The following GRM3 variants were observed in gnomAD, a reference collection of about 807,000 sequenced individuals.
GRM3 encodes metabotropic glutamate receptor 3.
In GRM3, 26 loss-of-function variants were observed where a neutral mutation model predicts 70.5. The ratio of observed to expected loss-of-function variants is 0.37; its 90% CI spans 0.27 to 0.51. GRM3 has a LOEUF of 0.51. Ranked by LOEUF, GRM3 falls within the 20% of genes least tolerant of loss-of-function variation. GRM3 has a pLI of 0.93. For missense variants in GRM3, 859 were observed against 1,123.8 expected, an observed-to-expected ratio of 0.76 and a Z score of 3.37; for synonymous variants, 443 against 434.9, an observed-to-expected ratio of 1.02 and a Z score of -0.23.
chr7:86,827,242 A>G (rs1220685197), intron 3 of GRM3, among the ~76,000 whole-genome samples: 1 of 152,238 alleles, frequency 6.6e-6, no homozygotes, highest in Admixed American at 6.5e-5. Flanking sequence ...TTAGAATTAT[A>G]TATTTGTAAT....
chr7:86,780,499 AC>A (rs552893458), intron 2 of GRM3, among the ~76,000 whole-genome samples: 193 of 152,318 alleles, frequency 1.3e-3, no homozygotes, highest in Non-Finnish European at 1.6e-3. Flanking sequence ...TAAATTCAAA[AC>A]ACCAAGAAAA....
intron 3 of GRM3, among the ~76,000 whole-genome samples, chr7:86,831,439 A>G (rs546402283): frequency 1.4e-4 from 21 of 152,290 alleles, no homozygotes; most frequent in Admixed American, 1.4e-3. Context: ...AGGTAGGAAA[A>G]AAATGTGATA....
chr7:86,777,802 C>A (rs900443374), intron 2 of GRM3, among the ~76,000 whole-genome samples: 6 of 152,154 alleles, frequency 3.9e-5, no homozygotes, highest in Non-Finnish European at 8.8e-5. Context: ...CAACTATATA[C>A]CACCTCCAGT....
At chr7:86,691,495 G>T (rs1046179982) in intron 1 of GRM3, among the ~76,000 whole-genome samples, 1 of 152,288 alleles carries the variant, frequency 6.6e-6, no homozygotes, top group East Asian at 1.9e-4. Context: ...GATAATTAAA[G>T]AAATAGGGCA....
intron 1 of GRM3, among the ~76,000 whole-genome samples, chr7:86,664,929 G>A (rs955138263): frequency 2.0e-5 from 3 of 152,136 alleles, no homozygotes. Flanking sequence ...TACCAGAGAG[G>A]AGATTGCTTT....
At chr7:86,668,848 T>A (rs1372131213) in intron 1 of GRM3, among the ~76,000 whole-genome samples, 3 of 152,110 alleles carry the variant, frequency 2.0e-5, no homozygotes, top group Admixed American at 2.0e-4. Flanking sequence ...TGGGAGGAAG[T>A]ATATCTTCTG....
intron 4 of GRM3, among the ~76,000 whole-genome samples, chr7:86,848,472 G>A (rs1364987080): frequency 6.6e-6 from 1 of 152,082 alleles, no homozygotes. Flanking sequence ...ATGACTAGAG[G>A]GCGTTTTCAT....
intron 4 of GRM3, among the ~76,000 whole-genome samples, chr7:86,845,382 T>C (rs1052332346): frequency 2.0e-5 from 3 of 152,208 alleles, no homozygotes; most frequent in Admixed American, 6.6e-5. Context: ...TTTTTGATGT[T>C]TTAAATATTG....
chr7:86,710,093 A>G (rs1168680399), intron 1 of GRM3: 4 of 152,126 alleles, frequency 2.6e-5, no homozygotes, highest in African/African-American at 9.6e-5. Flanking sequence ...TTGTACCCAC[A>G]GCCACACAAT....
rs111270215 is a variant in GRM3, at chr7:86,800,074, A to G, written c.1324+12958A>G. On this transcript the variant is annotated intron_variant, in intron 3 of 5. Coordinates refer to ENST00000361669, the MANE Select transcript of GRM3 (RefSeq NM_000840.3). ...AATAATGAAATTAAGGCAGAAATCA[A>G]AAAGTTCTTTGAAACCAATGAGAAA... Among the ~76,000 whole-genome samples the G allele has an allele frequency of 4.3e-4, 65 of 152,348 alleles. 1 individual carries two copies. Among genetic ancestry groups the G allele is most frequent in the African/African-American group, 1.5e-3 (61 of 41,570 alleles).
chr7:86,840,547 T>C (rs1442765604), intron 4 of GRM3, among the ~76,000 whole-genome samples: 9 of 152,048 alleles, frequency 5.9e-5, no homozygotes, highest in East Asian at 1.9e-4. Flanking sequence ...GTATTAGTAA[T>C]ATACAGTTCA....
chr7:86,730,083 CA>C (rs984471539), intron 1 of GRM3, among the ~76,000 whole-genome samples: 10 of 151,144 alleles, frequency 6.6e-5, no homozygotes, highest in African/African-American at 2.4e-4. Flanking sequence ...CATTGCACTC[CA>C]GCCTGGGCAA....
In GRM3 at chr7:86,786,806, G is replaced by A; in HGVS notation, c.1014G>A (p.Gln338=). The A allele has an allele frequency of 6.2e-7, 1 of 1,614,214 alleles. No individual in the cohort carries two copies. Among genetic ancestry groups the A allele is most frequent in the Non-Finnish European group, 8.5e-7 (1 of 1,180,026 alleles). Reference sequence around the variant, plus strand: ...TCCGCCAGTTCGACCGCTACTTCCAGAGCCTCAACCCCTACAACAACCACC... The same window carrying A: ...TCCGCCAGTTCGACCGCTACTTCCAAAGCCTCAACCCCTACAACAACCACC... ...QPVRQFDRYF[Q]SLNPYNNHRN... Residue 338 remains glutamine (Q), a synonymous_variant, in exon 3 of 6, where the codon CAG becomes CAA. Coordinates refer to ENST00000361669, the MANE Select transcript of GRM3 (RefSeq NM_000840.3). The surrounding 1 kb of genome is among the most constrained non-coding windows in gnomAD (Gnocchi z 6.0).
At chr7:86,832,333 C>A (rs989708110) in intron 3 of GRM3, among the ~76,000 whole-genome samples, 1 of 150,748 alleles carries the variant, frequency 6.6e-6, no homozygotes, top group Non-Finnish European at 1.5e-5. Context: ...TCACTGCAAC[C>A]CCTGCCTCCC....
At chr7:86,691,534 G>A (rs1445748467) in intron 1 of GRM3, among the ~76,000 whole-genome samples, 1 of 152,186 alleles carries the variant, frequency 6.6e-6, no homozygotes, top group Non-Finnish European at 1.5e-5. Context: ...AAATAAGTTT[G>A]TTGAGTGCCA....
intron 1 of GRM3, among the ~76,000 whole-genome samples, chr7:86,746,012 A>T (rs895784425): frequency 2.0e-5 from 3 of 152,032 alleles, no homozygotes; most frequent in Non-Finnish European, 4.4e-5. Flanking sequence ...CTAGGAAAAA[A>T]ATAGGTTCTT....
intron 3 of GRM3, among the ~76,000 whole-genome samples, chr7:86,793,266 C>A (rs1797467054): frequency 6.6e-6 from 1 of 152,122 alleles, no homozygotes; most frequent in Admixed American, 6.5e-5. Context: ...CCAGGAAGGG[C>A]AGATTTTCTG....
chr7:86,800,448 TA>T (rs1797656054), intron 3 of GRM3, among the ~76,000 whole-genome samples: 1 of 152,078 alleles, frequency 6.6e-6, no homozygotes, highest in African/African-American at 2.4e-5. Flanking sequence ...TAAAAAATGA[TA>T]AAGGGATATC....
At chr7:86,760,175 C>T (rs1796443970) in intron 1 of GRM3, among the ~76,000 whole-genome samples, 1 of 152,072 alleles carries the variant, frequency 6.6e-6, no homozygotes, top group Non-Finnish European at 1.5e-5. Flanking sequence ...CTTTCCTTTC[C>T]CTGGATAAAC....
Sources: gnomAD v4.1 joint callset for allele counts (sites outside exome capture counted in the v4.1 genomes callset) on GRCh38, gnomAD v4.1.1 for gene constraint, Gnocchi (gnomAD v3.1) non-coding constraint, MANE v1.5 for transcripts, NCBI Gene and HGNC (gene_info 2026-07-23, HGNC 2026-07-21) for gene names.